MRPS27: variants seen among roughly 807,000 people sequenced by gnomAD.
MRPS27 encodes the protein small ribosomal subunit protein mS27.
MRPS27 carries 43 observed loss-of-function variants against 48.9 expected under a neutral mutation model. That is an observed-to-expected ratio of 0.88 (90% CI 0.69 to 1.13). MRPS27 has a LOEUF of 1.13. MRPS27 is among the 50% of genes most tolerant of loss of function. The probability of loss-of-function intolerance (pLI) is 0.00; values close to 1 mark genes in which losing one functional copy is unlikely to be tolerated. For missense variants in MRPS27, 467 were observed against 476.3 expected (o/e 0.98, Z 0.18); for synonymous variants, 188 against 171.9 (o/e 1.09, Z -0.73).
intron 4 of MRPS27, among the ~76,000 whole-genome samples, chr5:72,293,151 T>C (rs1448284493): frequency 5.3e-5 from 8 of 152,302 alleles, no homozygotes; most frequent in Non-Finnish European, 1.2e-4. Flanking sequence ...GTTCTGTATA[T>C]TCTCTAAGGG....
chr5:72,264,935 AG>A (rs1749071650), intron 4 of MRPS27, among the ~76,000 whole-genome samples: 3 of 152,358 alleles, frequency 2.0e-5, no homozygotes, highest in African/African-American at 7.2e-5. Flanking sequence ...CGCTTAGAGA[AG>A]GAAGTATGAG....
intron 4 of MRPS27, among the ~76,000 whole-genome samples, chr5:72,292,420 T>C (rs1425843019): frequency 6.6e-6 from 1 of 152,200 alleles, no homozygotes; most frequent in East Asian, 1.9e-4. Flanking sequence ...TTCTCCTGCC[T>C]GCTGTCTGAA....
At chr5:72,268,757 A>G (rs1749161706) in intron 4 of MRPS27, among the ~76,000 whole-genome samples, 1 of 152,236 alleles carries the variant, frequency 6.6e-6, no homozygotes, top group Admixed American at 6.5e-5. Flanking sequence ...TGAGGATGAT[A>G]AAAATGAGAT....
intron 2 of MRPS27, among the ~76,000 whole-genome samples, chr5:72,301,206 T>C (rs1750119183): frequency 6.6e-6 from 1 of 152,176 alleles, no homozygotes; most frequent in Non-Finnish European, 1.5e-5. Context: ...AAAACAACTT[T>C]AGAACTTTAG....
intron 4 of MRPS27, chr5:72,241,811 C>A: frequency 1.1e-6 from 1 of 874,824 alleles, no homozygotes. Context: ...TTACAGCCAG[C>A]CACTGTAGGA....
At chr5:72,298,507 C>T (rs1215976308) in intron 2 of MRPS27, among the ~76,000 whole-genome samples, 1 of 152,022 alleles carries the variant, frequency 6.6e-6, no homozygotes, top group Non-Finnish European at 1.5e-5. Context: ...GCTACCGAGA[C>T]CATCCTGGCT....
intron 4 of MRPS27, among the ~76,000 whole-genome samples, chr5:72,276,087 C>T (rs1399234920): frequency 6.8e-6 from 1 of 147,188 alleles, no homozygotes; most frequent in Admixed American, 6.7e-5. Context: ...TGAAGAGAAA[C>T]CTTATCATAT....
intron 1 of MRPS27, among the ~76,000 whole-genome samples, chr5:72,319,662 G>A (rs777766059): frequency 6.8e-6 from 1 of 147,750 alleles, no homozygotes; most frequent in Non-Finnish European, 1.5e-5. Flanking sequence ...TCCTGCCTCA[G>A]CCCCCCGAGT....
At chr5:72,222,455 T>C (rs986821217) in intron 10 of MRPS27, 1 of 152,226 alleles carries the variant, frequency 6.6e-6, no homozygotes, top group African/African-American at 2.4e-5. Flanking sequence ...CTTGCCTTTT[T>C]AAAATTTTCA....
At chr5:72,282,761 A>AT (rs1472768361) in intron 4 of MRPS27, among the ~76,000 whole-genome samples, 1 of 152,210 alleles carries the variant, frequency 6.6e-6, no homozygotes, top group Non-Finnish European at 1.5e-5. Context: ...TAGAGGATAA[A>AT]TAAGAGTGGA....
intron 9 of MRPS27, among the ~76,000 whole-genome samples, chr5:72,224,584 T>G (rs928901224): frequency 6.6e-6 from 1 of 152,122 alleles, no homozygotes; most frequent in Non-Finnish European, 1.5e-5. Context: ...AAAGGCCATT[T>G]TAAGTGTATG....
At chr5:72,239,779 A>G (rs1023313403) in intron 4 of MRPS27, among the ~76,000 whole-genome samples, 1 of 152,136 alleles carries the variant, frequency 6.6e-6, no homozygotes, top group African/African-American at 2.4e-5. Flanking sequence ...TCCTAGGCTC[A>G]AGCAATCCTT....
chr5:72,309,804 C>T (rs1344681552), intron 2 of MRPS27, among the ~76,000 whole-genome samples: 2 of 152,204 alleles, frequency 1.3e-5, no homozygotes, highest in Admixed American at 6.5e-5. Flanking sequence ...CATCCGAACA[C>T]GCCTTGCTGT....
chr5:72,248,608 A>G (rs575247384), intron 4 of MRPS27, among the ~76,000 whole-genome samples: 2 of 145,172 alleles, frequency 1.4e-5, no homozygotes, highest in Non-Finnish European at 3.0e-5. Flanking sequence ...GGGGAAGGAG[A>G]GAGGGCTCCT....
At chr5:72,243,248 C>T (rs1255944308) in intron 4 of MRPS27, among the ~76,000 whole-genome samples, 2 of 152,192 alleles carry the variant, frequency 1.3e-5, no homozygotes, top group Non-Finnish European at 1.5e-5. Context: ...AAGGAATGAG[C>T]GCTTCCTTGA....
chr5:72,314,898 C>T (rs1750527164), intron 1 of MRPS27, among the ~76,000 whole-genome samples: 1 of 152,196 alleles, frequency 6.6e-6, no homozygotes, highest in Non-Finnish European at 1.5e-5. Flanking sequence ...AGGTTTCAAT[C>T]ATTTCACATA....
intron 4 of MRPS27, among the ~76,000 whole-genome samples, chr5:72,277,351 T>A (rs1219647138): frequency 6.6e-6 from 1 of 152,104 alleles, no homozygotes; most frequent in Non-Finnish European, 1.5e-5. Context: ...GACCCAGCAA[T>A]CCTATTACTG....
At chr5:72,292,753 A>G (rs1270133378) in intron 4 of MRPS27, among the ~76,000 whole-genome samples, 1 of 152,224 alleles carries the variant, frequency 6.6e-6, no homozygotes, top group Non-Finnish European at 1.5e-5. Context: ...CACTCCTGCT[A>G]GCAGAGCCTG....
chr5:72,237,734 A>C (rs1748236636), intron 5 of MRPS27, among the ~76,000 whole-genome samples: 1 of 152,118 alleles, frequency 6.6e-6, no homozygotes, highest in South Asian at 2.1e-4. Flanking sequence ...TCTAAGGCTT[A>C]GCAACCGAGA....
Sources: gnomAD v4.1 joint callset for allele counts (sites outside exome capture counted in the v4.1 genomes callset) on GRCh38, gnomAD v4.1.1 for gene constraint, MANE v1.5 for transcripts, NCBI Gene and HGNC (gene_info 2026-07-23, HGNC 2026-07-21) for gene names.